Variants in TMPRSS7 observed in about 807,000 individuals in gnomAD.
TMPRSS7 encodes the protein transmembrane serine protease 7.
In TMPRSS7, 81 loss-of-function variants were observed where a neutral mutation model predicts 95.6. The observed-to-expected ratio is 0.85, with a 90% CI of 0.71 to 1.02. TMPRSS7 has a LOEUF of 1.02. Ranked by LOEUF, TMPRSS7 falls within the 50% of genes least tolerant of loss-of-function variation. The pLI, the probability that TMPRSS7 is intolerant of heterozygous loss-of-function variation, is 0.00. For synonymous variants in TMPRSS7, 364 were observed against 337.8 expected, an observed-to-expected ratio of 1.08 and a Z score of -0.85; for missense variants, 945 against 955.2, an observed-to-expected ratio of 0.99 and a Z score of 0.14.
At position 112,038,074 on chromosome 3, in the gene TMPRSS7, A is replaced by G. The variant is rs112614695; in HGVS notation, c.51A>G (p.Ile17Met). ...TATCTTATTTCTTTTTTTTGAAGATATCCAATATCTCAGTCCAAGTGGTCA... is the reference window on the plus strand; with the variant it reads ...TATCTTATTTCTTTTTTTTGAAGATGTCCAATATCTCAGTCCAAGTGGTCA... The change falls in exon 2 of 18, where the codon ATA becomes ATG. Residue 17 changes from isoleucine (I) to methionine (M), a missense_variant and splice_region_variant. By Grantham distance (10) the Ile-to-Met change is conservative. Transcript: ENST00000452346. 6.5e-3 allele frequency: 4,551 copies of G among 700,738 alleles called. 117 individuals carry two copies. Among genetic ancestry groups the G allele is most frequent in the African/African-American group, 0.065 (3,703 of 57,092 alleles). The allele number at this position is 700,738 out of a possible 1,614,324, so 43.4% of individuals were successfully genotyped here. A position where few individuals can be genotyped will look rare whatever the true frequency, so the allele number is the denominator to read the frequency against.
At chr3:112,045,687 C>G (rs745544402) in intron 4 of TMPRSS7, 63 bp from the exon 5 acceptor site, 15 of 1,443,372 alleles carry the variant, frequency 1.0e-5, no homozygotes, top group Non-Finnish European at 1.4e-5. Flanking sequence ...AATCCATCAT[C>G]TGGGTATTTC....
intron 11 of TMPRSS7, among the ~76,000 whole-genome samples, chr3:112,062,513 C>T (rs1213585013): frequency 1.3e-5 from 2 of 152,162 alleles, no homozygotes; most frequent in Admixed American, 1.3e-4. Flanking sequence ...ATCTTTGACC[C>T]ATCTTAAGAG....
intron 16 of TMPRSS7, 100 bp downstream of exon 16, chr3:112,077,244 C>A: frequency 7.5e-7 from 1 of 1,333,696 alleles, no homozygotes; most frequent in Non-Finnish European, 1.0e-6. Context: ...TGTATATGAT[C>A]TCCTTTGAAC....
At position 112,057,736 on chromosome 3, in the gene TMPRSS7, A is replaced by T. The variant is rs1326911026; in HGVS notation, c.1310+605A>T. On this transcript the variant is annotated intron_variant, in intron 10 of 17. Coordinates refer to ENST00000452346, the Ensembl canonical transcript of TMPRSS7. ...TTTTTTGTTTTGGTTTTTTATTTTT[A>T]TTTTTTTGAGACAGAGTTTTGCTCT... Among the ~76,000 whole-genome samples the T allele has an allele frequency of 3.3e-5, 5 of 151,714 alleles. No homozygotes were observed. In the East Asian group the frequency reaches 9.7e-4, roughly 29 times the overall value.
chr3:112,046,673 C>A (rs1343754821), intron 5 of TMPRSS7, among the ~76,000 whole-genome samples: 3 of 151,992 alleles, frequency 2.0e-5, no homozygotes, highest in South Asian at 2.1e-4. Flanking sequence ...TGCTTTTTTA[C>A]CTTTGAAAAT....
intron 8 of TMPRSS7, 144 bp from the exon 9 acceptor site, chr3:112,050,527 A>AAAAAAAC (rs1553763199): frequency 1.4e-5 from 5 of 351,554 alleles, no homozygotes; most frequent in Admixed American, 3.8e-5. Context: ...CTTCTGAAAA[A>AAAAAAAC]AAAAAAAAAA....
rs144398753 is a variant in TMPRSS7 at position 112,079,358 on chromosome 3, G to A, written c.2361+480G>A. ...AGTCACCTTTGGGGTGACATTTCTC[G>A]GAGCCTGAGATTCCAATCTATGCAG... is the stretch of plus-strand genomic sequence containing the variant. On this transcript the variant is annotated intron_variant, in intron 17 of 17. Transcript: ENST00000452346. 5.6e-3 allele frequency among the ~76,000 whole-genome samples: 858 copies of A among 152,258 alleles called. 10 individuals are homozygous for A. Among genetic ancestry groups the A allele is most frequent in the Non-Finnish European group, 8.8e-3 (597 of 68,016 alleles).
intron 11 of TMPRSS7, among the ~76,000 whole-genome samples, 168 bp downstream of exon 11, chr3:112,062,091 T>C (rs1482422053): frequency 1.3e-5 from 2 of 151,310 alleles, no homozygotes; most frequent in African/African-American, 2.4e-5. Context: ...CAAATAAATA[T>C]AACAAATATA....
intron 10 of TMPRSS7, among the ~76,000 whole-genome samples, chr3:112,060,118 A>C (rs570278343): frequency 2.0e-5 from 3 of 152,344 alleles, no homozygotes; most frequent in African/African-American, 4.8e-5. Flanking sequence ...GCAAGTTTTT[A>C]TTAGTGATTT....
exon 5 of TMPRSS7, chr3:112,045,776 T>C (rs2073271033): frequency 6.4e-7 from 1 of 1,551,118 alleles, no homozygotes; most frequent in Non-Finnish European, 8.7e-7. Context: ...GGCCTCCTTG[T>C]CCACTTTTGG....
At chr3:112,072,971 G>C (rs1057006986) in intron 13 of TMPRSS7, among the ~76,000 whole-genome samples, 8 of 152,020 alleles carry the variant, frequency 5.3e-5, no homozygotes, top group African/African-American at 1.9e-4. Context: ...TCTAGTTCTA[G>C]ATCCCTGAGG....
At chr3:112,065,128 A>G (rs540344911) in intron 12 of TMPRSS7, among the ~76,000 whole-genome samples, 29 of 152,134 alleles carry the variant, frequency 1.9e-4, no homozygotes, top group East Asian at 9.7e-4. Flanking sequence ...GCAGCGTCGA[A>G]CTCCTGGGCT....
intron 3 of TMPRSS7, among the ~76,000 whole-genome samples, chr3:112,043,248 T>C (rs2073233994): frequency 6.6e-6 from 1 of 152,192 alleles, no homozygotes; most frequent in Non-Finnish European, 1.5e-5. Flanking sequence ...GGCATGTTAC[T>C]GTACTGAACA....
chr3:112,066,509 G>A lies in TMPRSS7; in HGVS notation c.1666+7G>A, dbSNP rs759636751. On this transcript the variant is annotated splice_region_variant and intron_variant, in intron 13 of 17. Transcript: ENST00000452346. Reference sequence around the variant, plus strand: ...GAGCAAAACTGCACTCAAAGTGAGGGAGAGTCCTCTGTGCCCTGCTGTTCC... The same window carrying A: ...GAGCAAAACTGCACTCAAAGTGAGGAAGAGTCCTCTGTGCCCTGCTGTTCC... 1.9e-6 allele frequency: 3 copies of A among 1,611,978 alleles called. No homozygotes were observed. The African/African-American group carries it at 4.0e-5, about 22-fold the overall frequency.
chr3:112,063,701 GAT>G, intron 12 of TMPRSS7, 69 bp downstream of exon 12: 1 of 1,264,368 alleles, frequency 7.9e-7, no homozygotes, highest in Non-Finnish European at 1.2e-6. Flanking sequence ...GATTGCTGCT[GAT>G]ATATATCCTT....
At chr3:112,055,485 T>C (rs894419216) in intron 9 of TMPRSS7, among the ~76,000 whole-genome samples, 63 of 95,106 alleles carry the variant, frequency 6.6e-4, no homozygotes, top group African/African-American at 2.1e-3. Context: ...ACACACAGCA[T>C]AACATATAAT....
chr3:112,042,866 C>T, intron 3 of TMPRSS7: 1 of 373,998 alleles, frequency 2.7e-6, no homozygotes, highest in South Asian at 2.0e-5. Flanking sequence ...AGTATCTATT[C>T]ATGGCTCTTG....
At chr3:112,056,507 G>A (rs1016364557) in intron 9 of TMPRSS7, among the ~76,000 whole-genome samples, 23 of 151,996 alleles carry the variant, frequency 1.5e-4, no homozygotes, top group African/African-American at 4.8e-4. Flanking sequence ...ACACACACAC[G>A]CACACACACA....
At chr3:112,077,252 A>G in intron 16 of TMPRSS7, 108 bp downstream of exon 16, 1 of 1,266,284 alleles carries the variant, frequency 7.9e-7, no homozygotes, top group Non-Finnish European at 1.1e-6. Flanking sequence ...ATCTCCTTTG[A>G]ACCTCCTGAC....
Sources: gnomAD v4.1 joint callset for allele counts (sites outside exome capture counted in the v4.1 genomes callset) on GRCh38, gnomAD v4.1.1 for gene constraint, MANE v1.5 for transcripts, NCBI Gene and HGNC (gene_info 2026-07-23, HGNC 2026-07-21) for gene names.